Variants in KCNIP4 observed in about 807,000 individuals in gnomAD.
KCNIP4 encodes Kv channel-interacting protein 4.
Under a neutral mutation model 34.0 loss-of-function variants are expected in KCNIP4, and 12 were observed. The observed-to-expected ratio is 0.35, with a 90% CI of 0.23 to 0.57. The LOEUF (loss-of-function observed/expected upper bound fraction) is 0.57. KCNIP4 is among the 20% of genes least tolerant of loss of function. The pLI, the probability that KCNIP4 is intolerant of heterozygous loss-of-function variation, is 0.83. For synonymous variants in KCNIP4, 124 were observed against 102.2 expected (o/e 1.21, Z -1.29); for missense variants, 238 against 311.7 (o/e 0.76, Z 1.78).
intron 1 of KCNIP4, among the ~76,000 whole-genome samples, chr4:21,931,611 T>C (rs999161339): frequency 6.6e-6 from 1 of 152,064 alleles, no homozygotes; most frequent in Non-Finnish European, 1.5e-5. Context: ...TCATTTTTTA[T>C]GGCTGCATAG....
chr4:21,271,933 T>G (rs1762171669), intron 1 of KCNIP4, among the ~76,000 whole-genome samples: 1 of 152,194 alleles, frequency 6.6e-6, no homozygotes. Flanking sequence ...CAGAAAGAAT[T>G]TATGTGCTTT....
At chr4:21,073,287 G>C (rs1745151637) in intron 1 of KCNIP4, among the ~76,000 whole-genome samples, 1 of 152,280 alleles carries the variant, frequency 6.6e-6, no homozygotes, top group Admixed American at 6.5e-5. Context: ...AGCATGGAAT[G>C]TTCTTCCATT....
chr4:20,774,662 T>C (rs1756220336), intron 3 of KCNIP4, among the ~76,000 whole-genome samples: 1 of 152,132 alleles, frequency 6.6e-6, no homozygotes, highest in Non-Finnish European at 1.5e-5. Context: ...AGGTCTAATT[T>C]ATAGGGAAGA....
chr4:20,869,934 C>A (rs1342418365), intron 2 of KCNIP4, among the ~76,000 whole-genome samples: 1 of 151,974 alleles, frequency 6.6e-6, no homozygotes, highest in East Asian at 1.9e-4. Context: ...AGCAATGGAA[C>A]CTACTATAAA....
rs190024247 is a variant in KCNIP4 at position 21,008,770 on chromosome 4, C to T, written c.62-126061G>A. Among the ~76,000 whole-genome samples the T allele has an allele frequency of 2.1e-4, 32 of 151,960 alleles. 1 individual carries two copies. The highest frequency in any genetic ancestry group is 2.0e-3 in the Admixed American group (31 of 15,240). ...CGATCTCCTGATCTGGTGATCCGCC[C>T]GCCTCGGCCTCCCAGAGTGCTAGGA... is the stretch of plus-strand genomic sequence containing the variant. On this transcript the variant is annotated intron_variant, in intron 1 of 8. Transcript: ENST00000382152.
At chr4:20,748,392 A>G (rs1752824323) in intron 5 of KCNIP4, among the ~76,000 whole-genome samples, 1 of 151,750 alleles carries the variant, frequency 6.6e-6, no homozygotes, top group African/African-American at 2.4e-5. Context: ...ACAGTCCATC[A>G]GTTGCACTGA....
chr4:21,542,403 C>T (rs1737782498), intron 1 of KCNIP4, among the ~76,000 whole-genome samples: 1 of 151,992 alleles, frequency 6.6e-6, no homozygotes, highest in Admixed American at 6.6e-5. Flanking sequence ...CAAATAAAAT[C>T]GAGCTTGAAA....
chr4:21,850,354 T>C (rs934598749), intron 1 of KCNIP4: 4 of 152,018 alleles, frequency 2.6e-5, no homozygotes, highest in African/African-American at 9.7e-5. Flanking sequence ...ATCAATGCTA[T>C]GATTTGAATA....
chr4:21,303,768 C>T (rs1176181407), intron 1 of KCNIP4: 1 of 1,528,244 alleles, frequency 6.5e-7, no homozygotes, highest in Non-Finnish European at 9.1e-7. Flanking sequence ...CATTGCAAAA[C>T]AGAGAATTTT....
At chr4:21,607,462 C>T (rs1171637094) in intron 1 of KCNIP4, among the ~76,000 whole-genome samples, 1 of 151,942 alleles carries the variant, frequency 6.6e-6, no homozygotes, top group African/African-American at 2.4e-5. Context: ...CAACAATAGA[C>T]ACTTACAAGT....
intron 2 of KCNIP4, among the ~76,000 whole-genome samples, chr4:20,864,063 T>C (rs1216992902): frequency 5.4e-5 from 8 of 148,778 alleles, no homozygotes; most frequent in South Asian, 2.1e-4. Flanking sequence ...TATACACATG[T>C]ATGTATACGT....
intron 1 of KCNIP4, among the ~76,000 whole-genome samples, chr4:21,366,337 A>G (rs1320214517): frequency 6.6e-6 from 1 of 152,168 alleles, no homozygotes; most frequent in East Asian, 1.9e-4. Context: ...GTGATTATGA[A>G]TCCTACCAAA....
intron 1 of KCNIP4, among the ~76,000 whole-genome samples, chr4:21,099,224 T>A (rs1185238577): frequency 6.6e-6 from 1 of 152,108 alleles, no homozygotes; most frequent in Non-Finnish European, 1.5e-5. Flanking sequence ...AACCCAAATG[T>A]CCATCAATGA....
intron 2 of KCNIP4, among the ~76,000 whole-genome samples, chr4:20,858,242 A>G (rs866878342): frequency 0.019 from 2,615 of 140,854 alleles, 85 homozygotes; most frequent in African/African-American, 0.067. Context: ...AAAAAAAAAA[A>G]GAGGAAGACA....
intron 1 of KCNIP4, among the ~76,000 whole-genome samples, chr4:21,704,844 C>A (rs1713141172): frequency 6.6e-6 from 1 of 152,076 alleles, no homozygotes; most frequent in African/African-American, 2.4e-5. Context: ...ACCTACAAAA[C>A]CTAGCAATTG....
chr4:20,781,981 G>A (rs1175192088), intron 3 of KCNIP4, among the ~76,000 whole-genome samples: 2 of 152,164 alleles, frequency 1.3e-5, no homozygotes, highest in Admixed American at 6.5e-5. Flanking sequence ...ACAGGTATTA[G>A]GTAAATATAG....
At chr4:21,622,567 T>C (rs538933476) in intron 1 of KCNIP4, among the ~76,000 whole-genome samples, 8 of 152,336 alleles carry the variant, frequency 5.3e-5, no homozygotes, top group Non-Finnish European at 1.2e-4. Context: ...CATGTATTCA[T>C]AATATCTGTT....
chr4:21,252,482 C>T (rs1014869088), intron 1 of KCNIP4, among the ~76,000 whole-genome samples: 1 of 152,012 alleles, frequency 6.6e-6, no homozygotes, highest in Non-Finnish European at 1.5e-5. Flanking sequence ...GATACATACC[C>T]ATTATCGTGA....
chr4:21,889,756 CA>C (rs1167827153), intron 1 of KCNIP4, among the ~76,000 whole-genome samples: 1 of 152,130 alleles, frequency 6.6e-6, no homozygotes, highest in African/African-American at 2.4e-5. Flanking sequence ...GACAGAGTAG[CA>C]GAGTGGCCCA....
Sources: allele counts gnomAD v4.1 joint callset (sites outside exome capture counted in the v4.1 genomes callset), GRCh38; gene constraint gnomAD v4.1.1; transcripts MANE v1.5; gene names NCBI Gene and HGNC (gene_info 2026-07-23, HGNC 2026-07-21).